Variants in MAML2 observed in about 807,000 individuals in gnomAD.
The protein encoded by MAML2 is mastermind like transcriptional coactivator 2.
Under a neutral mutation model 96.1 loss-of-function variants are expected in MAML2, and 22 were observed. The observed-to-expected ratio is 0.23, with a 90% CI of 0.16 to 0.33. MAML2 has a LOEUF of 0.33. Ranked by LOEUF, MAML2 falls within the 10% of genes least tolerant of loss-of-function variation. The pLI is 1.00. For missense variants in MAML2, 1,367 were observed against 1,392.4 expected, an observed-to-expected ratio of 0.98 and a Z score of 0.29; for synonymous variants, 561 against 521.3, an observed-to-expected ratio of 1.08 and a Z score of -1.04.
chr11:96,046,947 T>C (rs1858911548), intron 2 of MAML2, among the ~76,000 whole-genome samples: 1 of 152,206 alleles, frequency 6.6e-6, no homozygotes, highest in African/African-American at 2.4e-5. Context: ...ACAATAAGTT[T>C]GTTAGAATTG....
chr11:96,286,792 A>G (rs899986411), intron 1 of MAML2, among the ~76,000 whole-genome samples: 1 of 152,194 alleles, frequency 6.6e-6, no homozygotes, highest in African/African-American at 2.4e-5. Context: ...TTTTTTCCAT[A>G]TAAGCTTCCT....
chr11:95,997,522 T>C (rs989691773), intron 2 of MAML2, among the ~76,000 whole-genome samples: 1 of 152,314 alleles, frequency 6.6e-6, no homozygotes, highest in Admixed American at 6.5e-5. Flanking sequence ...TTCTTATTCA[T>C]TAATTCAACA....
intron 1 of MAML2, among the ~76,000 whole-genome samples, chr11:96,324,401 G>A (rs143811878): frequency 6.6e-6 from 1 of 152,086 alleles, no homozygotes; most frequent in Non-Finnish European, 1.5e-5. Context: ...TTAATGTGTT[G>A]AACCAAAAGG....
At chr11:96,064,315 C>T (rs936190661) in intron 2 of MAML2, among the ~76,000 whole-genome samples, 13 of 152,122 alleles carry the variant, frequency 8.5e-5, no homozygotes, top group Non-Finnish European at 1.8e-4. Context: ...TGGTCAAGTC[C>T]GCTCTAGAAA....
intron 1 of MAML2, among the ~76,000 whole-genome samples, chr11:96,184,116 G>A (rs959964670): frequency 2.0e-5 from 3 of 152,160 alleles, no homozygotes; most frequent in Admixed American, 6.5e-5. Context: ...CACTGGGTCA[G>A]GCCAAGCAAA....
chr11:96,289,021 G>A (rs1159821671), intron 1 of MAML2, among the ~76,000 whole-genome samples: 1 of 152,166 alleles, frequency 6.6e-6, no homozygotes, highest in African/African-American at 2.4e-5. Flanking sequence ...AAAGGGGAAA[G>A]GTGACCATGG....
intron 2 of MAML2, among the ~76,000 whole-genome samples, chr11:96,079,494 T>C (rs1239337970): frequency 6.6e-6 from 1 of 152,220 alleles, no homozygotes; most frequent in African/African-American, 2.4e-5. Context: ...TTCTGCCACC[T>C]GCTTAACCTT....
rs746554827 is a variant in MAML2 at position 96,092,187 on chromosome 11, T to G, written c.1844A>C (p.Gln615Pro). Residue 615 changes from glutamine to proline, a missense_variant, in exon 2 of 5, where the codon CAA becomes CCA. Physicochemically the swap from Gln to Pro is moderately conservative, Grantham distance 76. Coordinates refer to ENST00000524717, the MANE Select transcript of MAML2 (RefSeq NM_032427.4). This position sits in a 1 kb window ranked among gnomAD's most constrained non-coding sequence, Gnocchi z 4.1. ...QQQQQQQQQQ[Q>P]QQQQQQSSIS... is the part of the protein sequence containing the mutation. ...TGAACTCTGCTGTTGCTGTTGCTGT[T>G]GCTGTTGCTGCTGCTGCTGCTGTTG... 1.3e-6 allele frequency: 2 copies of G among 1,538,530 alleles called. No homozygotes were observed. Among genetic ancestry groups the G allele is most frequent in the South Asian group, 2.4e-5 (2 of 82,820 alleles).
chr11:96,122,768 G>A (rs1302868759), intron 1 of MAML2, among the ~76,000 whole-genome samples: 2 of 152,124 alleles, frequency 1.3e-5, no homozygotes, highest in Non-Finnish European at 2.9e-5. Context: ...TTCTTTACAT[G>A]CCCAGTCTCG....
At chr11:96,310,941 A>G (rs1458174058) in intron 1 of MAML2, among the ~76,000 whole-genome samples, 1 of 152,234 alleles carries the variant, frequency 6.6e-6, no homozygotes, top group Non-Finnish European at 1.5e-5. Flanking sequence ...GTGGCAATAA[A>G]TAGCCCAAGA....
At chr11:95,996,885 C>T (rs531678960) in intron 2 of MAML2, among the ~76,000 whole-genome samples, 1 of 152,288 alleles carries the variant, frequency 6.6e-6, no homozygotes, top group East Asian at 1.9e-4. Context: ...TTTTCCCCAA[C>T]ACACATTTTC....
At chr11:96,295,919 T>G (rs1005130103) in intron 1 of MAML2, among the ~76,000 whole-genome samples, 2 of 19,364 alleles carry the variant, frequency 1.0e-4, no homozygotes, top group Non-Finnish European at 2.3e-4. Context: ...AAGAAATCCA[T>G]TTCACATCAG....
chr11:96,082,779 A>G (rs16923043), intron 2 of MAML2, among the ~76,000 whole-genome samples: 3,580 of 152,294 alleles, frequency 0.024, 146 homozygotes, highest in African/African-American at 0.081. Context: ...AAAAAGGAGA[A>G]TTACAGTATC....
chr11:95,979,072 T>C lies in MAML2; in HGVS notation c.3347A>G (p.Asp1116Gly). The change falls in exon 5 of 5, where the codon GAT becomes GGT. Residue 1116 changes from aspartate to glycine, a missense_variant. Transcript: ENST00000524717. ...LAFDFLSQQN[D>G]NMGPALNSDA... ...ACTGTTTAGGGCAGGGCCCATGTTA[T>C]CATTTTGTTGGCTGAGGAAGTCAAA... The C allele has an allele frequency of 1.2e-6, 2 of 1,613,900 alleles. No individual in the cohort carries two copies. Among genetic ancestry groups the C allele is most frequent in the South Asian group, 1.1e-5 (1 of 91,084 alleles).
intron 1 of MAML2, among the ~76,000 whole-genome samples, chr11:96,297,354 C>G (rs1254143119): frequency 6.6e-6 from 1 of 152,082 alleles, no homozygotes; most frequent in African/African-American, 2.4e-5. Context: ...GCAGGCGGAT[C>G]ACTTGAGGTC....
At chr11:96,324,914 T>G (rs1863754252) in intron 1 of MAML2, among the ~76,000 whole-genome samples, 1 of 152,220 alleles carries the variant, frequency 6.6e-6, no homozygotes, top group South Asian at 2.1e-4. Context: ...GCTGGCTGAC[T>G]GGACCCACAA....
At chr11:96,055,938 GA>G in intron 2 of MAML2, among the ~76,000 whole-genome samples, 1 of 151,996 alleles carries the variant, frequency 6.6e-6, no homozygotes, top group East Asian at 1.9e-4. Context: ...TGGCTCATTT[GA>G]AAAAAAGTAA....
chr11:96,048,559 T>A (rs1296515071), intron 2 of MAML2, among the ~76,000 whole-genome samples: 3 of 152,202 alleles, frequency 2.0e-5, no homozygotes, highest in Admixed American at 6.5e-5. Flanking sequence ...TCTAAGAAAA[T>A]GTCTTAAGAG....
chr11:96,094,656 A>G (rs1162038801), intron 1 of MAML2, among the ~76,000 whole-genome samples: 1 of 152,198 alleles, frequency 6.6e-6, no homozygotes, highest in East Asian at 1.9e-4. Flanking sequence ...TAATACATTA[A>G]AAAAGAAACA....
Sources: allele counts gnomAD v4.1 joint callset (sites outside exome capture counted in the v4.1 genomes callset), GRCh38; gene constraint gnomAD v4.1.1; non-coding constraint Gnocchi (gnomAD v3.1); transcripts MANE v1.5; gene names NCBI Gene and HGNC (gene_info 2026-07-23, HGNC 2026-07-21).